Variants in CHSY1 observed in about 807,000 individuals in gnomAD.
CHSY1 encodes the protein chondroitin sulfate synthase 1.
Under a neutral mutation model 59.8 loss-of-function variants are expected in CHSY1, and 13 were observed. The ratio of observed to expected loss-of-function variants is 0.22; its 90% CI spans 0.14 to 0.35. The LOEUF is 0.35. CHSY1 is among the 10% of genes least tolerant of loss of function. CHSY1 has a pLI of 1.00. For synonymous variants in CHSY1, 459 were observed against 401.2 expected (o/e 1.14, Z -1.72); for missense variants, 947 against 1,030.6 (o/e 0.92, Z 1.11).
intron 2 of CHSY1, among the ~76,000 whole-genome samples, chr15:101,181,173 C>T (rs1596422480): frequency 6.6e-6 from 1 of 152,254 alleles, no homozygotes; most frequent in South Asian, 2.1e-4. Flanking sequence ...GGCCACCAGA[C>T]CCCACCGCTG....
intron 1 of CHSY1, among the ~76,000 whole-genome samples, chr15:101,244,397 G>C (rs1362110179): frequency 6.6e-6 from 1 of 152,206 alleles, no homozygotes; most frequent in Admixed American, 6.5e-5. Flanking sequence ...CTTCAGGACA[G>C]AATTAATGGT....
chr15:101,225,559 T>A (rs2038833170), intron 2 of CHSY1, among the ~76,000 whole-genome samples: 1 of 152,136 alleles, frequency 6.6e-6, no homozygotes, highest in Admixed American at 6.5e-5. Flanking sequence ...GCTGTCCTCC[T>A]AACAGTGAGT....
At chr15:101,207,446 G>A (rs1043756725) in intron 2 of CHSY1, among the ~76,000 whole-genome samples, 2 of 152,108 alleles carry the variant, frequency 1.3e-5, no homozygotes, top group Admixed American at 6.5e-5. Flanking sequence ...CTTCTAGTAT[G>A]TTATATAATA....
chr15:101,205,894 G>A (rs1313149634), intron 2 of CHSY1, among the ~76,000 whole-genome samples: 1 of 152,046 alleles, frequency 6.6e-6, no homozygotes, highest in Non-Finnish European at 1.5e-5. Context: ...GGAGCTTGCA[G>A]TGAGCCGAGA....
At chr15:101,234,959 T>C (rs2141275129) in intron 2 of CHSY1, 123 bp downstream of exon 2, 1 of 1,294,412 alleles carries the variant, frequency 7.7e-7, no homozygotes, top group Non-Finnish European at 1.1e-6. Flanking sequence ...GCTAAAAATG[T>C]AGAATAATAC....
chr15:101,230,598 T>C (rs1157860679), intron 2 of CHSY1, among the ~76,000 whole-genome samples: 1 of 152,134 alleles, frequency 6.6e-6, no homozygotes, highest in African/African-American at 2.4e-5. Flanking sequence ...AAGTGAAAAA[T>C]ACCCCAGGCT....
intron 2 of CHSY1, among the ~76,000 whole-genome samples, chr15:101,202,517 A>C: frequency 9.5e-6 from 1 of 105,484 alleles, no homozygotes; most frequent in South Asian, 3.8e-4. Flanking sequence ...GCTGCAGGGA[A>C]GGATGGAGGG....
At chr15:101,181,671 C>G (rs2083868630) in intron 2 of CHSY1, among the ~76,000 whole-genome samples, 1 of 152,226 alleles carries the variant, frequency 6.6e-6, no homozygotes, top group Non-Finnish European at 1.5e-5. Flanking sequence ...TGCTTCAAGA[C>G]AGTAGCACAG....
intron 1 of CHSY1, among the ~76,000 whole-genome samples, chr15:101,238,004 CA>C (rs1443892043): frequency 6.6e-6 from 1 of 152,170 alleles, no homozygotes; most frequent in African/African-American, 2.4e-5. Flanking sequence ...AAAAGATACA[CA>C]CCAAATCTCT....
At chr15:101,227,891 A>G (rs1301914365) in intron 2 of CHSY1, among the ~76,000 whole-genome samples, 1 of 152,132 alleles carries the variant, frequency 6.6e-6, no homozygotes, top group Non-Finnish European at 1.5e-5. Context: ...GGTTCTGAAA[A>G]GACACTAAAC....
chr15:101,238,459 C>T lies in CHSY1; in HGVS notation c.321-2882G>A, dbSNP rs532250625. Among the ~76,000 whole-genome samples, 21 of 152,304 alleles carry T rather than the reference C, an allele frequency of 1.4e-4. 1 individual carries two copies. The highest frequency in any genetic ancestry group is 5.2e-4 in the Admixed American group (8 of 15,306). On this transcript the variant is annotated intron_variant, in intron 1 of 2. Coordinates refer to ENST00000254190, the MANE Select transcript of CHSY1 (RefSeq NM_014918.5). ...AATGGAATTCGACTTTCTGCCAACA[C>T]GCCTCTCAAAAAGTGCAAGGATTAA... is the stretch of plus-strand genomic sequence containing the variant.
At chr15:101,193,604 G>A (rs558603241) in intron 2 of CHSY1, among the ~76,000 whole-genome samples, 1 of 152,302 alleles carries the variant, frequency 6.6e-6, no homozygotes, top group African/African-American at 2.4e-5. Context: ...TTTTAATGGC[G>A]TCATCAGCAA....
intron 2 of CHSY1, among the ~76,000 whole-genome samples, chr15:101,233,192 T>G (rs2038907937): frequency 6.6e-6 from 1 of 152,166 alleles, no homozygotes; most frequent in South Asian, 2.1e-4. Context: ...ATCTCCAAAA[T>G]GGCCTCCCAC....
At chr15:101,250,296 T>C (rs2039093783) in intron 1 of CHSY1, among the ~76,000 whole-genome samples, 2 of 152,222 alleles carry the variant, frequency 1.3e-5, no homozygotes, top group South Asian at 4.1e-4. Context: ...TCAAATCCCT[T>C]TATCGAGTCT....
At chr15:101,232,677 T>G (rs1229144423) in intron 2 of CHSY1, among the ~76,000 whole-genome samples, 1 of 152,162 alleles carries the variant, frequency 6.6e-6, no homozygotes, top group African/African-American at 2.4e-5. Flanking sequence ...AATCCCACAA[T>G]TAAGGTGAAA....
chr15:101,245,382 G>C (rs1319452632), intron 1 of CHSY1, among the ~76,000 whole-genome samples: 1 of 152,118 alleles, frequency 6.6e-6, no homozygotes, highest in Non-Finnish European at 1.5e-5. Context: ...AAAAGGGTGG[G>C]AGTGTGGGTG....
chr15:101,249,766 C>T (rs549570564), intron 1 of CHSY1, among the ~76,000 whole-genome samples: 24 of 152,274 alleles, frequency 1.6e-4, no homozygotes, highest in Non-Finnish European at 3.2e-4. Context: ...CCGCCCGCCT[C>T]GGCCTCCCAA....
At chr15:101,207,068 A>G (rs1160156989) in intron 2 of CHSY1, among the ~76,000 whole-genome samples, 3 of 152,248 alleles carry the variant, frequency 2.0e-5, no homozygotes, top group Non-Finnish European at 4.4e-5. Context: ...AAAGGAAACA[A>G]ACAAAACCTA....
At chr15:101,206,832 C>T (rs899346743) in intron 2 of CHSY1, among the ~76,000 whole-genome samples, 1 of 152,152 alleles carries the variant, frequency 6.6e-6, no homozygotes, top group African/African-American at 2.4e-5. Flanking sequence ...TACCAAATTT[C>T]TTTTCTCATT....
Sources: gnomAD v4.1 joint callset for allele counts (sites outside exome capture counted in the v4.1 genomes callset) on GRCh38, gnomAD v4.1.1 for gene constraint, MANE v1.5 for transcripts, NCBI Gene and HGNC (gene_info 2026-07-23, HGNC 2026-07-21) for gene names.